Variants in CDH4 observed in about 807,000 individuals in gnomAD.
CDH4 encodes the protein cadherin-4.
CDH4 carries 33 observed loss-of-function variants against 86.0 expected under a neutral mutation model. The ratio of observed to expected loss-of-function variants is 0.38; its 90% CI spans 0.29 to 0.51. CDH4 has a LOEUF of 0.51. CDH4 is among the 20% of genes least tolerant of loss of function. CDH4 has a pLI of 0.86. For synonymous variants in CDH4, 555 were observed against 549.4 expected, an observed-to-expected ratio of 1.01 and a Z score of -0.14; for missense variants, 1,114 against 1,307.4, an observed-to-expected ratio of 0.85 and a Z score of 2.28.
At chr20:61,793,490 T>A (rs571516801) in intron 4 of CDH4, among the ~76,000 whole-genome samples, 1 of 152,216 alleles carries the variant, frequency 6.6e-6, no homozygotes, top group East Asian at 1.9e-4. Flanking sequence ...CTGGGACCCA[T>A]AAAGCGGCCC....
chr20:61,696,071 G>C (rs1286576202), intron 2 of CDH4, among the ~76,000 whole-genome samples: 2 of 152,174 alleles, frequency 1.3e-5, no homozygotes, highest in African/African-American at 4.8e-5. Context: ...CGTTTCCTGA[G>C]CCCCTCTTGC....
intron 2 of CDH4, among the ~76,000 whole-genome samples, chr20:61,447,612 T>A (rs1409826887): frequency 1.4e-5 from 2 of 144,346 alleles, no homozygotes; most frequent in Non-Finnish European, 3.0e-5. Flanking sequence ...TCTCCCCTGC[T>A]CATTCTACTT....
chr20:61,374,013 C>T (rs576515751), intron 2 of CDH4, among the ~76,000 whole-genome samples: 2 of 152,072 alleles, frequency 1.3e-5, no homozygotes, highest in Non-Finnish European at 1.5e-5. Flanking sequence ...GTGCGCACGG[C>T]GGGTGTGGAG....
rs986553856 is a variant in CDH4 at position 61,632,189 on chromosome 20, C to T, written c.170-111374C>T. On this transcript the variant is annotated intron_variant, in intron 2 of 15. Transcript: ENST00000614565. ...ACCTTCAGAAGAAATGCTCCTGGGG[C>T]GGAGAGTGAAGCGCAGGGCACATGC... 9.9e-5 allele frequency among the ~76,000 whole-genome samples: 15 copies of T among 152,264 alleles called. No individual in the cohort carries two copies. The East Asian group carries it at 2.3e-3, about 24-fold the overall frequency.
chr20:61,285,316 A>C (rs574488311), intron 2 of CDH4, among the ~76,000 whole-genome samples: 26 of 151,830 alleles, frequency 1.7e-4, no homozygotes, highest in African/African-American at 6.3e-4. Context: ...TGCTCTTGAC[A>C]CTGGCCATAG....
At chr20:61,899,146 T>TA (rs966857016) in intron 8 of CDH4, among the ~76,000 whole-genome samples, 4 of 151,218 alleles carry the variant, frequency 2.6e-5, no homozygotes, top group Middle Eastern at 3.4e-3. Context: ...ATATATATTT[T>TA]AAAAAAAAAT....
rs6121822 is a variant in CDH4 at position 61,419,299 on chromosome 20, C to T, written c.169+164362C>T. The stretch of plus-strand genomic sequence containing the variant: ...CTTGTCTCTGCTCATCAGTTTCTAT[C>T]GTACCCCGACAAATACATCCCCTCC... On this transcript the variant is annotated intron_variant, in intron 2 of 15. Coordinates refer to ENST00000614565, the MANE Select transcript of CDH4 (RefSeq NM_001794.5). Among the ~76,000 whole-genome samples the T allele has an allele frequency of 9.0e-4, 137 of 152,290 alleles. 1 individual carries two copies. The highest frequency in any genetic ancestry group is 2.9e-3 in the African/African-American group (122 of 41,554).
chr20:61,907,194 C>T (rs567960920), intron 8 of CDH4, among the ~76,000 whole-genome samples: 1 of 152,156 alleles, frequency 6.6e-6, no homozygotes, highest in African/African-American at 2.4e-5. Flanking sequence ...CCCAGGCCCC[C>T]CCGGGCACCA....
chr20:61,661,470 CTTTTTTTT>C (rs11472090), intron 2 of CDH4, among the ~76,000 whole-genome samples: 3 of 115,086 alleles, frequency 2.6e-5, no homozygotes, highest in Admixed American at 9.2e-5. Context: ...TGCTTTCTGA[CTTTTTTTT>C]TTTTTTTTTT....
intron 4 of CDH4, among the ~76,000 whole-genome samples, chr20:61,809,699 G>A (rs1455577888): frequency 6.6e-6 from 1 of 152,194 alleles, no homozygotes; most frequent in African/African-American, 2.4e-5. Context: ...GCCAGGAGGG[G>A]TTCCGGTAGA....
At chr20:61,885,172 C>T (rs892967846) in intron 7 of CDH4, among the ~76,000 whole-genome samples, 6 of 152,210 alleles carry the variant, frequency 3.9e-5, no homozygotes, top group African/African-American at 1.2e-4. Flanking sequence ...GGAGCTCACA[C>T]GCCACCAAAC....
At chr20:61,345,152 T>A (rs569674999) in intron 2 of CDH4, among the ~76,000 whole-genome samples, 1 of 152,358 alleles carries the variant, frequency 6.6e-6, no homozygotes, top group African/African-American at 2.4e-5. Flanking sequence ...ATGAGAAACC[T>A]AATGGGTTCC....
At chr20:61,604,060 G>T (rs1010240023) in intron 2 of CDH4, among the ~76,000 whole-genome samples, 1 of 152,136 alleles carries the variant, frequency 6.6e-6, no homozygotes, top group Non-Finnish European at 1.5e-5. Flanking sequence ...GCTCCCTGCC[G>T]AGCCTCCCCT....
chr20:61,651,450 T>C (rs1211317954), intron 2 of CDH4, among the ~76,000 whole-genome samples: 2 of 152,238 alleles, frequency 1.3e-5, no homozygotes, highest in Non-Finnish European at 2.9e-5. Context: ...CCTCTCCTTC[T>C]GCCGCTTTCC....
At chr20:61,804,734 G>T (rs375334504) in intron 4 of CDH4, among the ~76,000 whole-genome samples, 1 of 152,204 alleles carries the variant, frequency 6.6e-6, no homozygotes, top group African/African-American at 2.4e-5. Context: ...GGGAGTCCCC[G>T]TGTGGAGGCA....
intron 2 of CDH4, among the ~76,000 whole-genome samples, chr20:61,457,234 G>T (rs939914173): frequency 5.3e-5 from 8 of 152,126 alleles, no homozygotes; most frequent in African/African-American, 1.7e-4. Flanking sequence ...CCACTTACCT[G>T]GGATGTTACC....
chr20:61,659,422 G>GC (rs2087227415), intron 2 of CDH4, among the ~76,000 whole-genome samples: 1 of 152,232 alleles, frequency 6.6e-6, no homozygotes, highest in Admixed American at 6.5e-5. Flanking sequence ...GGGCTGCGCT[G>GC]CCCCCCACCT....
intron 2 of CDH4, among the ~76,000 whole-genome samples, chr20:61,658,830 C>G (rs543317665): frequency 6.6e-6 from 1 of 152,254 alleles, no homozygotes; most frequent in Non-Finnish European, 1.5e-5. Context: ...GTGGGTGAGG[C>G]CGAGGGAGGA....
At chr20:61,590,262 A>G (rs1431419013) in intron 2 of CDH4, among the ~76,000 whole-genome samples, 2 of 152,156 alleles carry the variant, frequency 1.3e-5, no homozygotes, top group Non-Finnish European at 2.9e-5. Flanking sequence ...AGTTGGCGAC[A>G]AAGGAGGAGA....
Sources: gnomAD v4.1 joint callset for allele counts (sites outside exome capture counted in the v4.1 genomes callset) on GRCh38, gnomAD v4.1.1 for gene constraint, MANE v1.5 for transcripts, NCBI Gene and HGNC (gene_info 2026-07-23, HGNC 2026-07-21) for gene names.